CELSR3: variants seen among roughly 807,000 people sequenced by gnomAD.
CELSR3 encodes cadherin EGF LAG seven-pass G-type receptor 3.
CELSR3 carries 73 observed loss-of-function variants against 270.0 expected under a neutral mutation model. The ratio of observed to expected loss-of-function variants is 0.27; its 90% CI spans 0.22 to 0.33. The LOEUF is 0.33. Among genes scored for constraint, CELSR3 ranks in the 10% least tolerant of loss-of-function variants. The pLI is 1.00. For synonymous variants in CELSR3, 1,780 were observed against 1,905.4 expected (o/e 0.93, Z 1.71); for missense variants, 3,614 against 4,533.8 (o/e 0.80, Z 5.83).
At chr3:48,647,022 T>C in intron 20 of CELSR3, 94 bp from the exon 21 acceptor site, 1 of 1,236,682 alleles carries the variant, frequency 8.1e-7, no homozygotes, top group Non-Finnish European at 1.1e-6. Context: ...GGGGGTCTCT[T>C]CCCTGCAGGA....
chr3:48,643,751 G>A (rs771423333), intron 27 of CELSR3, 74 bp from the exon 28 acceptor site: 1 of 1,500,660 alleles, frequency 6.7e-7, no homozygotes, highest in Non-Finnish European at 9.0e-7. Flanking sequence ...AACACGGGAG[G>A]ACACACAGGG....
At position 48,657,217 on chromosome 3, in the gene CELSR3, G is replaced by A. The variant is rs759602665; in HGVS notation, c.3880C>T (p.Arg1294Cys). The A allele has an allele frequency of 6.2e-7, 1 of 1,613,766 alleles. No homozygotes were observed. Among genetic ancestry groups the A allele is most frequent in the Admixed American group, 1.7e-5 (1 of 60,012 alleles). The change falls in exon 2 of 35, where the codon CGC becomes TGC. Residue 1294 changes from arginine to cysteine, a missense_variant. Physicochemically the swap from Arg to Cys is radical, Grantham distance 180. Transcript: ENST00000164024. The surrounding 1 kb of genome is among the most constrained non-coding windows in gnomAD (Gnocchi z 5.4). ...ACCGCAGCCACGCCCTCGAGGAAGC[G>A]GCCCAGCAGCGGTGACAGGAAGCGC... ...QERFLSPLLGRFLEGVAAVLA... is the reference protein window; with the variant it reads ...QERFLSPLLGCFLEGVAAVLA...
Position 48,640,339 on chromosome 3 carries a change from A to T in CELSR3, c.9246T>A (p.Arg3082=). 1.2e-6 allele frequency: 2 copies of T among 1,612,494 alleles called. No individual in the cohort carries two copies. Among genetic ancestry groups the T allele is most frequent in the African/African-American group, 1.3e-5 (1 of 74,954 alleles). ...LDLLLRRQLS[R]ERLEEAPAPV... is the part of the protein sequence containing the mutation. Reference sequence around the variant, plus strand: ...GGGCAGGGGCTTCCTCTAGTCGCTCACGGCTCAGTTGCCGCCGGAGGAGCA... The same window carrying T: ...GGGCAGGGGCTTCCTCTAGTCGCTCTCGGCTCAGTTGCCGCCGGAGGAGCA... The change falls in exon 34 of 35, where the codon CGT becomes CGA. Residue 3082 remains arginine (R), a synonymous_variant. Coordinates refer to ENST00000164024, the MANE Select transcript of CELSR3 (RefSeq NM_001407.3). The surrounding 1 kb of genome is among the most constrained non-coding windows in gnomAD (Gnocchi z 7.5).
chr3:48,661,510 C>A lies in CELSR3; in HGVS notation c.1125G>T (p.Leu375=). The A allele has an allele frequency of 6.2e-7, 1 of 1,604,626 alleles. No homozygotes were observed. Among genetic ancestry groups the A allele is most frequent in the Non-Finnish European group, 8.5e-7 (1 of 1,176,268 alleles). Residue 375 remains leucine (L), a synonymous_variant, in exon 1 of 35, where the codon CTG becomes CTT. Coordinates refer to ENST00000164024, the MANE Select transcript of CELSR3 (RefSeq NM_001407.3). ...AALMNSRSLE[L]FSIDPQSGLI... is the part of the protein sequence containing the mutation. ...GGCCGCTCTGCGGGTCGATGCTGAA[C>A]AGCTCCAGCGAGCGGCTGTTCATGA...
Position 48,644,849 on chromosome 3 carries a change from G to A in CELSR3, c.7973-21C>T. On this transcript the variant is annotated intron_variant, in intron 25 of 34. Transcript: ENST00000164024. The surrounding 1 kb of genome is among the most constrained non-coding windows in gnomAD (Gnocchi z 4.8). Reference sequence around the variant, plus strand: ...AAGGCCTTGGGAAGAGAAAGGGTAGGACTGAGGGTGTGTGTTCCAGAGCTG... The same window carrying A: ...AAGGCCTTGGGAAGAGAAAGGGTAGAACTGAGGGTGTGTGTTCCAGAGCTG... The A allele has an allele frequency of 1.2e-6, 2 of 1,602,120 alleles. No individual in the cohort carries two copies. The highest frequency in any genetic ancestry group is 2.2e-5 in the South Asian group (2 of 90,578).
Position 48,651,463 on chromosome 3 carries a change from G to A in CELSR3, c.6082C>T (p.Pro2028Ser), listed in dbSNP as rs766507072. 8 of 1,613,886 alleles carry A rather than the reference G, an allele frequency of 5.0e-6. No homozygotes were observed. The Admixed American group carries it at 1.3e-4, about 27-fold the overall frequency. The change falls in exon 14 of 35, where the codon CCA becomes TCA. Residue 2028 changes from proline (P) to serine (S), a missense_variant. Transcript: ENST00000164024. This position sits in a 1 kb window ranked among gnomAD's most constrained non-coding sequence, Gnocchi z 7.4. ...GTTGGGCTCCCCCACCAGCCCCGTG[G>A]GCACTGCTGGTCCATCCTGGGGGTG... is the stretch of plus-strand genomic sequence containing the variant. ...HCEHRMDQQC[P>S]RGWWGSPTCG...
rs912445518 is a variant in CELSR3 at position 48,649,105 on chromosome 3, G to T, written c.6567+16C>A. On this transcript the variant is annotated intron_variant, in intron 17 of 34. Transcript: ENST00000164024. The stretch of plus-strand genomic sequence containing the variant: ...GGAAGGTCTTAGGTTGCAGGAAAAG[G>T]TCTGGGCAGTCTCACCAGCAGACTG... 11 of 1,606,816 alleles carry T rather than the reference G, an allele frequency of 6.8e-6. No individual in the cohort carries two copies. The highest frequency in any genetic ancestry group is 1.3e-5 in the African/African-American group (1 of 74,820).
chr3:48,655,718 C>A lies in CELSR3; in HGVS notation c.4741+18G>T. On this transcript the variant is annotated intron_variant, in intron 4 of 34. Transcript: ENST00000164024. The surrounding 1 kb of genome is among the most constrained non-coding windows in gnomAD (Gnocchi z 5.8). Reference sequence around the variant, plus strand: ...CAGCACACACGCACCCTTTCGCCGTCACATCCGGGGCACCCACCCGTGGAA... The same window carrying A: ...CAGCACACACGCACCCTTTCGCCGTAACATCCGGGGCACCCACCCGTGGAA... 3 of 1,606,678 alleles carry A rather than the reference C, an allele frequency of 1.9e-6. No homozygotes were observed. Among genetic ancestry groups the A allele is most frequent in the Non-Finnish European group, 2.6e-6 (3 of 1,173,552 alleles).
chr3:48,644,395 G>A lies in CELSR3; in HGVS notation c.8086-100C>T, dbSNP rs1162965933. On this transcript the variant is annotated intron_variant, in intron 26 of 34. Transcript: ENST00000164024. This position sits in a 1 kb window ranked among gnomAD's most constrained non-coding sequence, Gnocchi z 4.8. ...GAGAGACTAAGATTCACGGAGAGAG[G>A]CAGAACCAGTGAGAAATTCACACAT... 1.5e-5 allele frequency: 17 copies of A among 1,142,932 alleles called. No individual in the cohort carries two copies. Among genetic ancestry groups the A allele is most frequent in the Non-Finnish European group, 2.2e-5 (17 of 769,206 alleles). The allele number at this position is 1,142,932 out of a possible 1,614,324, so 70.8% of individuals were successfully genotyped here.
Position 48,644,415 on chromosome 3 carries a change from A to T in CELSR3, c.8086-120T>A. On this transcript the variant is annotated intron_variant, in intron 26 of 34. Coordinates refer to ENST00000164024, the MANE Select transcript of CELSR3 (RefSeq NM_001407.3). This position sits in a 1 kb window ranked among gnomAD's most constrained non-coding sequence, Gnocchi z 4.8. ...GAGAGGCAGAACCAGTGAGAAATTC[A>T]CACATATACACACACACCAAAGGAG... 1.2e-6 allele frequency: 1 copy of T among 828,166 alleles called. No individual in the cohort carries two copies. The highest frequency in any genetic ancestry group is 2.1e-5 in the Admixed American group (1 of 46,554). The allele number at this position is 828,166 out of a possible 1,614,324, so 51.3% of individuals were successfully genotyped here.
rs2077030425 is a variant in CELSR3, at chr3:48,657,107, G to A, written c.3990C>T (p.Phe1330=). The change falls in exon 2 of 35, where the codon TTC becomes TTT. Residue 1330 remains phenylalanine (F), a synonymous_variant. Coordinates refer to ENST00000164024, the MANE Select transcript of CELSR3 (RefSeq NM_001407.3). The surrounding 1 kb of genome is among the most constrained non-coding windows in gnomAD (Gnocchi z 5.4). ...CGGCCCCACGTGGAGCTAGCGCCGA[G>A]AAACTCACATTGAGCACGGTGCCCC... ...DVGGTVLNVS[F]SALAPRGAGA... is the part of the protein sequence containing the mutation. The A allele has an allele frequency of 6.2e-7, 1 of 1,613,854 alleles. No individual in the cohort carries two copies. The highest frequency in any genetic ancestry group is 1.7e-5 in the Admixed American group (1 of 60,014).
In CELSR3 at chr3:48,640,440, G is replaced by A. The variant is rs368180874; in HGVS notation, c.9145C>T (p.Arg3049Cys). 6 of 1,612,628 alleles carry A rather than the reference G, an allele frequency of 3.7e-6. No individual in the cohort carries two copies. Among genetic ancestry groups the A allele is most frequent in the South Asian group, 2.2e-5 (2 of 91,060 alleles). ...HRAVPAASYG[R>C]IYAGGGTGSL... Reference sequence around the variant, plus strand: ...CCCGTGCCCCCGCCAGCATAGATGCGACCGTAAGAGGCAGCTGGCACAGCA... The same window carrying A: ...CCCGTGCCCCCGCCAGCATAGATGCAACCGTAAGAGGCAGCTGGCACAGCA... Residue 3049 changes from arginine to cysteine, a missense_variant, in exon 34 of 35, where the codon CGC (arginine) becomes TGC (cysteine). By Grantham distance (180) the Arg-to-Cys change is radical. This residue lies in a region of CELSR3 where 1,240 missense variants were observed against 1,351.7 expected (regional missense o/e 0.92). Transcript: ENST00000164024. The surrounding 1 kb of genome is among the most constrained non-coding windows in gnomAD (Gnocchi z 7.5).
At position 48,645,371 on chromosome 3, in the gene CELSR3, T is replaced by TGAGTTTTGGCCCCAG; in HGVS notation, c.7797+57_7797+71dup. ...CCTGAGCATCCCTGACCTCTGACCC[T>TGAGTTTTGGCCCCAG]GAGTTTTGGCCCCAGGCCTCCTGGG... is the stretch of plus-strand genomic sequence containing the variant. On this transcript the variant is annotated intron_variant, in intron 24 of 34. Coordinates refer to ENST00000164024, the MANE Select transcript of CELSR3 (RefSeq NM_001407.3). This position sits in a 1 kb window ranked among gnomAD's most constrained non-coding sequence, Gnocchi z 5.4. 1 of 1,593,790 alleles carries TGAGTTTTGGCCCCAG rather than the reference T, an allele frequency of 6.3e-7. No homozygotes were observed. Among genetic ancestry groups the TGAGTTTTGGCCCCAG allele is most frequent in the Non-Finnish European group, 8.6e-7 (1 of 1,163,764 alleles).
At position 48,638,406 on chromosome 3, in the gene CELSR3, G is replaced by A. The variant is rs114899327; in HGVS notation, c.9912-174C>T. ...CAGGGTTCTCAGAGTCCTCCATTCC[G>A]CGCCCCTAGACTCAGCCAGGCTCCT... On this transcript the variant is annotated intron_variant, in intron 34 of 34. Coordinates refer to ENST00000164024, the MANE Select transcript of CELSR3 (RefSeq NM_001407.3). Among the ~76,000 whole-genome samples, 1,215 of 152,092 alleles carry A rather than the reference G, an allele frequency of 8.0e-3. 7 individuals carry two copies. The highest frequency in any genetic ancestry group is 0.011 in the Non-Finnish European group (754 of 67,982).
chr3:48,658,938 T>C lies in CELSR3; in HGVS notation c.3697A>G (p.Lys1233Glu). The C allele has an allele frequency of 6.2e-7, 1 of 1,614,182 alleles. No homozygotes were observed. The highest frequency in any genetic ancestry group is 8.5e-7 in the Non-Finnish European group (1 of 1,180,022). ...QTSGELRLSRKLDNNRPLVAS... is the reference protein window; with the variant it reads ...QTSGELRLSRELDNNRPLVAS... ...ACCAGTGGGCGGTTATTGTCTAGCT[T>C]TCGGCTGAGTCGCAGCTCCCCACTG... is the stretch of plus-strand genomic sequence containing the variant. The change falls in exon 1 of 35, where the codon AAG becomes GAG. Residue 1233 changes from lysine to glutamate, a missense_variant. Transcript: ENST00000164024. The surrounding 1 kb of genome is among the most constrained non-coding windows in gnomAD (Gnocchi z 4.7).
Position 48,661,944 on chromosome 3 carries a change from G to A in CELSR3, c.691C>T (p.Arg231Trp), listed in dbSNP as rs2077069866. The A allele has an allele frequency of 1.2e-6, 2 of 1,613,400 alleles. No homozygotes were observed. Among genetic ancestry groups the A allele is most frequent in the Non-Finnish European group, 1.7e-6 (2 of 1,180,010 alleles). The change falls in exon 1 of 35, where the codon CGG (arginine) becomes TGG (tryptophan). Residue 231 changes from arginine to tryptophan, a missense_variant. By Grantham distance (101) the Arg-to-Trp change is moderately radical. Transcript: ENST00000164024. ...GAGGCCCCTGGAAGACAGTTCCGCC[G>A]GGGGGCTGTCCTTTCTGCTCCGGAT... is the stretch of plus-strand genomic sequence containing the variant. ...TTSGAERTAP[R>W]RNCLPGASGS...
intron 28 of CELSR3, chr3:48,643,316 T>C (rs1475964564): frequency 1.6e-6 from 1 of 639,722 alleles, no homozygotes; most frequent in East Asian, 2.8e-5. Flanking sequence ...GGAGCCTTGG[T>C]GTTGGTGAAG....
At chr3:48,648,058 C>T in intron 19 of CELSR3, 62 bp from the exon 20 acceptor site, 1 of 1,576,128 alleles carries the variant, frequency 6.3e-7, no homozygotes, top group Non-Finnish European at 8.7e-7. Flanking sequence ...AAGGGTTCTA[C>T]TCCCTCTTAC....
rs1242157200 is a variant in CELSR3, at chr3:48,641,835, A to G, written c.8824+16T>C. ...GCATCCCTTGGTCACCCAAGGGGTC[A>G]GAGGGCGCCTGGCACCTTTGGGGTG... is the stretch of plus-strand genomic sequence containing the variant. On this transcript the variant is annotated intron_variant, in intron 32 of 34. Transcript: ENST00000164024. The surrounding 1 kb of genome is among the most constrained non-coding windows in gnomAD (Gnocchi z 4.8). 6.9e-7 allele frequency: 1 copy of G among 1,448,656 alleles called. No homozygotes were observed. The highest frequency in any genetic ancestry group is 9.1e-7 in the Non-Finnish European group (1 of 1,098,240). 89.7% of individuals were successfully genotyped at this position (1,448,656 alleles called of 1,614,324 possible).
Sources: allele counts gnomAD v4.1 joint callset (sites outside exome capture counted in the v4.1 genomes callset), GRCh38; gene constraint gnomAD v4.1.1; regional missense constraint gnomAD v4.1.1; non-coding constraint Gnocchi (gnomAD v3.1); transcripts MANE v1.5; gene names NCBI Gene and HGNC (gene_info 2026-07-23, HGNC 2026-07-21).